CADM2: variants seen among roughly 807,000 people sequenced by gnomAD.
The protein encoded by CADM2 is cell adhesion molecule 2.
CADM2 carries 12 observed loss-of-function variants against 49.8 expected under a neutral mutation model. That is an observed-to-expected ratio of 0.24 (90% CI 0.15 to 0.39). The LOEUF (loss-of-function observed/expected upper bound fraction) is 0.39, where lower values mean the gene tolerates loss of function less well. CADM2 is among the 10% of genes least tolerant of loss of function. The pLI is 1.00. For missense variants in CADM2, 378 were observed against 492.3 expected (o/e 0.77, Z 2.20); for synonymous variants, 214 against 175.4 (o/e 1.22, Z -1.74).
intron 1 of CADM2, among the ~76,000 whole-genome samples, chr3:85,359,680 T>G (rs1203446870): frequency 3.2e-4 from 13 of 40,488 alleles, no homozygotes; most frequent in Admixed American, 8.1e-4. Flanking sequence ...TTTTTTTTGG[T>G]GGAGGGGAGA....
chr3:85,979,700 A>T (rs1727240714), intron 8 of CADM2, among the ~76,000 whole-genome samples: 1 of 151,662 alleles, frequency 6.6e-6, no homozygotes, highest in South Asian at 2.1e-4. Context: ...ATGTTAAAAT[A>T]TCTATAGTTT....
At chr3:85,979,092 A>C (rs1727148016) in intron 8 of CADM2, 1 of 1,526,702 alleles carries the variant, frequency 6.6e-7, no homozygotes, top group Non-Finnish European at 9.0e-7. Context: ...ATGTATTTAT[A>C]ATTTGAATCA....
At chr3:85,600,424 G>T (rs1456831139) in intron 1 of CADM2, among the ~76,000 whole-genome samples, 1 of 151,878 alleles carries the variant, frequency 6.6e-6, no homozygotes, top group African/African-American at 2.4e-5. Context: ...TTTGTAACAT[G>T]CTGTATGAAT....
At chr3:85,172,888 T>A (rs973319325) in intron 1 of CADM2, among the ~76,000 whole-genome samples, 1 of 146,518 alleles carries the variant, frequency 6.8e-6, no homozygotes, top group Admixed American at 6.9e-5. Flanking sequence ...ATGTATAATA[T>A]ATGCAATTAT....
At chr3:85,631,859 A>G (rs1023083056) in intron 1 of CADM2, among the ~76,000 whole-genome samples, 10 of 152,264 alleles carry the variant, frequency 6.6e-5, no homozygotes, top group Non-Finnish European at 1.5e-4. Context: ...TTAAATCTCA[A>G]CAGATGATAC....
chr3:86,065,435 C>T (rs191539029), intron 8 of CADM2, among the ~76,000 whole-genome samples, 170 bp from the exon 9 acceptor site: 2 of 152,196 alleles, frequency 1.3e-5, no homozygotes, highest in African/African-American at 4.8e-5. Context: ...TGTTATATCC[C>T]CAGATACCTT....
chr3:85,906,980 G>A (rs999227333), intron 5 of CADM2, among the ~76,000 whole-genome samples: 1 of 152,164 alleles, frequency 6.6e-6, no homozygotes, highest in South Asian at 2.1e-4. Context: ...AGTTAAGAAA[G>A]AAATAATGGG....
At chr3:85,408,543 G>T (rs373332150) in intron 1 of CADM2, among the ~76,000 whole-genome samples, 2 of 152,160 alleles carry the variant, frequency 1.3e-5, no homozygotes, top group Non-Finnish European at 2.9e-5. Flanking sequence ...ATAGAGATAT[G>T]TTCTATTTTT....
At chr3:85,424,527 C>T in intron 1 of CADM2, among the ~76,000 whole-genome samples, 1 of 152,190 alleles carries the variant, frequency 6.6e-6, no homozygotes, top group South Asian at 2.1e-4. Context: ...TCATGTATTT[C>T]CAGCATCACC....
intron 1 of CADM2, among the ~76,000 whole-genome samples, chr3:85,493,597 T>TA (rs1400595711): frequency 6.6e-6 from 1 of 152,196 alleles, no homozygotes; most frequent in African/African-American, 2.4e-5. Flanking sequence ...TTCCTATTTT[T>TA]AAAAAACTTT....
chr3:86,065,836 T>G, intron 9 of CADM2, 106 bp downstream of exon 9: 1 of 1,049,036 alleles, frequency 9.5e-7, no homozygotes. Flanking sequence ...ATGTGTAGAA[T>G]AGGGAGATAG....
intron 1 of CADM2, among the ~76,000 whole-genome samples, chr3:85,429,700 A>G (rs2036579187): frequency 6.6e-6 from 1 of 152,130 alleles, no homozygotes; most frequent in African/African-American, 2.4e-5. Flanking sequence ...CTACATTCCC[A>G]TAGTAAAATG....
chr3:85,404,628 C>T (rs1300905507), intron 1 of CADM2, among the ~76,000 whole-genome samples: 2 of 152,022 alleles, frequency 1.3e-5, no homozygotes, highest in African/African-American at 2.4e-5. Context: ...TCTTTTAATT[C>T]TATTTTGCAG....
intron 7 of CADM2, among the ~76,000 whole-genome samples, chr3:85,947,595 C>T (rs1261274934): frequency 6.6e-6 from 1 of 151,142 alleles, no homozygotes; most frequent in Non-Finnish European, 1.5e-5. Flanking sequence ...AGTTTCTTTT[C>T]TGAGGTCCAT....
intron 1 of CADM2, among the ~76,000 whole-genome samples, chr3:85,029,581 T>C (rs530495180): frequency 3.2e-4 from 49 of 152,360 alleles, no homozygotes; most frequent in African/African-American, 1.2e-3. Flanking sequence ...GCCATTCGTG[T>C]AGTGATTCTC....
intron 1 of CADM2, among the ~76,000 whole-genome samples, chr3:85,680,987 C>T (rs2066026683): frequency 1.3e-5 from 2 of 152,124 alleles, no homozygotes; most frequent in Non-Finnish European, 2.9e-5. Context: ...CCTTCATTGG[C>T]ATGCATACTG....
intron 1 of CADM2, among the ~76,000 whole-genome samples, chr3:85,361,102 T>C (rs988122968): frequency 2.6e-5 from 4 of 152,198 alleles, no homozygotes; most frequent in African/African-American, 9.6e-5. Context: ...CATAGAATCT[T>C]GTTTGTAGTA....
chr3:85,622,915 C>G (rs1459909340), intron 1 of CADM2, among the ~76,000 whole-genome samples: 1 of 152,046 alleles, frequency 6.6e-6, no homozygotes, highest in African/African-American at 2.4e-5. Flanking sequence ...GGGCTTTAGG[C>G]TATGGTTTGG....
At chr3:85,615,363 G>A (rs1056346431) in intron 1 of CADM2, among the ~76,000 whole-genome samples, 2 of 151,984 alleles carry the variant, frequency 1.3e-5, no homozygotes, top group Non-Finnish European at 2.9e-5. Context: ...GTCAACCTTT[G>A]TAATCTGTCT....
Sources: gnomAD v4.1 joint callset for allele counts (sites outside exome capture counted in the v4.1 genomes callset) on GRCh38, gnomAD v4.1.1 for gene constraint, MANE v1.5 for transcripts, NCBI Gene and HGNC (gene_info 2026-07-23, HGNC 2026-07-21) for gene names.